The following PPARGC1B variants were observed in gnomAD, a reference collection of about 807,000 sequenced individuals.
PPARGC1B encodes PPARG coactivator 1 beta.
A neutral mutation model predicts 101.6 loss-of-function variants in PPARGC1B; 34 were observed. That is an observed-to-expected ratio of 0.33 (90% CI 0.25 to 0.45). The LOEUF (loss-of-function observed/expected upper bound fraction) is 0.45. Among genes scored for constraint, PPARGC1B ranks in the 20% least tolerant of loss-of-function variants. The probability of loss-of-function intolerance (pLI) is 1.00; values close to 1 mark genes in which losing one functional copy is unlikely to be tolerated. For missense variants in PPARGC1B, 1,234 were observed against 1,317.6 expected (o/e 0.94, Z 0.98); for synonymous variants, 548 against 539.3 (o/e 1.02, Z -0.22).
At chr5:149,842,835 G>T (rs1391666211) in intron 10 of PPARGC1B, among the ~76,000 whole-genome samples, 1 of 152,238 alleles carries the variant, frequency 6.6e-6, no homozygotes, top group East Asian at 1.9e-4. Context: ...TCAGCCCTGT[G>T]CTTCCTCTGC....
intron 2 of PPARGC1B, among the ~76,000 whole-genome samples, chr5:149,821,084 C>G (rs888990087): frequency 2.0e-5 from 3 of 152,220 alleles, no homozygotes; most frequent in Admixed American, 2.0e-4. Flanking sequence ...AGAGCCGGGA[C>G]TTTACGACCA....
In PPARGC1B at chr5:149,832,908, G is replaced by C; in HGVS notation, c.835G>C (p.Val279Leu). The change falls in exon 5 of 12, where the codon GTT becomes CTT. Residue 279 changes from valine (V) to leucine (L), a missense_variant. Transcript: ENST00000309241. The surrounding 1 kb of genome is among the most constrained non-coding windows in gnomAD (Gnocchi z 4.9). ...GGGCAGGGCAGACCCCGGTGCCCCG[G>C]TTTCCCAGGAAGACATGCAGGCGAT... ...ALGRADPGAP[V>L]SQEDMQAMVQ... The C allele has an allele frequency of 6.2e-7, 1 of 1,613,104 alleles. No homozygotes were observed. The highest frequency in any genetic ancestry group is 8.5e-7 in the Non-Finnish European group (1 of 1,179,978).
At chr5:149,771,231 C>T (rs1297230244) in intron 1 of PPARGC1B, among the ~76,000 whole-genome samples, 1 of 152,230 alleles carries the variant, frequency 6.6e-6, no homozygotes, top group Non-Finnish European at 1.5e-5. Flanking sequence ...CCTGGTCACA[C>T]CTTGGGTCTA....
intron 1 of PPARGC1B, among the ~76,000 whole-genome samples, chr5:149,753,450 C>A (rs919362037): frequency 2.0e-5 from 3 of 152,096 alleles, no homozygotes; most frequent in African/African-American, 7.2e-5. Context: ...TCAAGTGATC[C>A]TCCCACCTCG....
chr5:149,734,321 C>CAA lies in PPARGC1B; in HGVS notation c.78+3924_78+3925dup, dbSNP rs1221455764. 4.6e-3 allele frequency among the ~76,000 whole-genome samples: 298 copies of CAA among 64,190 alleles called. 1 individual carries two copies. Among genetic ancestry groups the CAA allele is most frequent in the Middle Eastern group, 0.024 (2 of 84 alleles). The allele number at this position is 64,190 out of a possible 152,430, so 42.1% of individuals were successfully genotyped here. A position where few individuals can be genotyped will look rare whatever the true frequency, so the allele number is the denominator to read the frequency against. On this transcript the variant is annotated intron_variant, in intron 1 of 11. Transcript: ENST00000309241. The stretch of plus-strand genomic sequence containing the variant: ...TGGACAAAAGAGCGAAACTCATTCT[C>CAA]AAAAAAAAAAAAAAAAAAAAAAAAG...
chr5:149,751,332 GTA>G (rs1387401985), intron 1 of PPARGC1B, among the ~76,000 whole-genome samples: 1 of 151,860 alleles, frequency 6.6e-6, no homozygotes, highest in Non-Finnish European at 1.5e-5. Flanking sequence ...TATATAAATT[GTA>G]TTTTTTCTTG....
intron 1 of PPARGC1B, among the ~76,000 whole-genome samples, chr5:149,802,972 C>T (rs1757478784): frequency 6.6e-6 from 1 of 151,950 alleles, no homozygotes; most frequent in South Asian, 2.1e-4. Flanking sequence ...GATTCTCCCA[C>T]TTGAGGGTTC....
At chr5:149,829,006 A>G (rs1758638480) in intron 3 of PPARGC1B, among the ~76,000 whole-genome samples, 3 of 151,984 alleles carry the variant, frequency 2.0e-5, no homozygotes, top group African/African-American at 7.3e-5. Flanking sequence ...AGCTAGGATC[A>G]TGATACTGCA....
chr5:149,802,330 G>T (rs1013449759), intron 1 of PPARGC1B, among the ~76,000 whole-genome samples: 4 of 152,192 alleles, frequency 2.6e-5, no homozygotes, highest in Admixed American at 1.3e-4. Context: ...GACGTGAGCT[G>T]AACCGGTTGT....
chr5:149,733,268 C>T (rs1754570964), intron 1 of PPARGC1B, among the ~76,000 whole-genome samples: 1 of 152,170 alleles, frequency 6.6e-6, no homozygotes, highest in Non-Finnish European at 1.5e-5. Context: ...GGCCAAAGTA[C>T]GGAAATTTAG....
chr5:149,739,131 A>C (rs62382274), intron 1 of PPARGC1B, among the ~76,000 whole-genome samples: 17,485 of 152,260 alleles, frequency 0.11, 1,338 homozygotes, highest in Admixed American at 0.23. Context: ...TGACTATGGA[A>C]AATGTCAACT....
In PPARGC1B at chr5:149,820,438, A is replaced by T; in HGVS notation, c.84A>T (p.Gly28=). The T allele has an allele frequency of 6.2e-7, 1 of 1,613,660 alleles. No individual in the cohort carries two copies. The highest frequency in any genetic ancestry group is 1.1e-5 in the South Asian group (1 of 91,030). Residue 28 remains glycine, a synonymous_variant, in exon 2 of 12, where the codon GGA becomes GGT. Coordinates refer to ENST00000309241, the MANE Select transcript of PPARGC1B (RefSeq NM_133263.4). ...TTTCCTTCCTGTCTCCTCAGGGTGG[A>T]GGGTCCGGGGAGGAGCAACTCTATG... is the stretch of plus-strand genomic sequence containing the variant. The part of the protein sequence containing the change: ...FLNYLADTQG[G]GSGEEQLYAD...
At chr5:149,826,575 CTGGG>C in intron 2 of PPARGC1B, 94 bp from the exon 3 acceptor site, 2 of 940,830 alleles carry the variant, frequency 2.1e-6, no homozygotes, top group Non-Finnish European at 3.4e-6. Flanking sequence ...GGCCAGCTGG[CTGGG>C]CAGAGCTGGT....
chr5:149,816,345 G>A (rs956216462), intron 1 of PPARGC1B, among the ~76,000 whole-genome samples: 1 of 152,212 alleles, frequency 6.6e-6, no homozygotes, highest in African/African-American at 2.4e-5. Context: ...ATGGTTTCGA[G>A]GGAAGGACAC....
At chr5:149,803,877 G>A (rs973018654) in intron 1 of PPARGC1B, among the ~76,000 whole-genome samples, 6 of 152,218 alleles carry the variant, frequency 3.9e-5, no homozygotes, top group Non-Finnish European at 8.8e-5. Flanking sequence ...CCAGAGCCTC[G>A]AGTCTGCAGG....
intron 1 of PPARGC1B, among the ~76,000 whole-genome samples, chr5:149,740,281 A>G (rs1039559539): frequency 2.0e-5 from 3 of 152,228 alleles, no homozygotes; most frequent in Admixed American, 6.5e-5. Context: ...CGATAGTAGC[A>G]TATGCTTTGA....
chr5:149,847,223 C>A, intron 11 of PPARGC1B: 1 of 650,964 alleles, frequency 1.5e-6, no homozygotes, highest in Non-Finnish European at 2.9e-6. Context: ...CTAGTTTGGG[C>A]CTCCAGGTCT....
chr5:149,758,846 T>C (rs1561856360), intron 1 of PPARGC1B, among the ~76,000 whole-genome samples: 1 of 152,266 alleles, frequency 6.6e-6, no homozygotes, highest in Non-Finnish European at 1.5e-5. Flanking sequence ...AAAGAAGATA[T>C]AATTAAAGAC....
intron 1 of PPARGC1B, chr5:149,772,186 C>T (rs1416877382): frequency 8.1e-6 from 13 of 1,605,974 alleles, no homozygotes; most frequent in Non-Finnish European, 1.1e-5. Context: ...GTGGTGAAGG[C>T]TTTTTCTGTG....
Sources: gnomAD v4.1 joint callset for allele counts (sites outside exome capture counted in the v4.1 genomes callset) on GRCh38, gnomAD v4.1.1 for gene constraint, Gnocchi (gnomAD v3.1) non-coding constraint, MANE v1.5 for transcripts, NCBI Gene and HGNC (gene_info 2026-07-23, HGNC 2026-07-21) for gene names.